ADRM1: variants seen among roughly 807,000 people sequenced by gnomAD.
ADRM1 encodes the protein proteasomal ubiquitin receptor ADRM1.
A neutral mutation model predicts 40.1 loss-of-function variants in ADRM1; 2 were observed. The ratio of observed to expected loss-of-function variants is 0.05; its 90% confidence interval spans 0.02 to 0.16. The LOEUF is 0.16. Ranked by LOEUF, ADRM1 falls within the 10% of genes least tolerant of loss-of-function variation. The pLI, the probability that ADRM1 is intolerant of heterozygous loss-of-function variation, is 1.00. For synonymous variants in ADRM1, 287 were observed against 240.4 expected, an observed-to-expected ratio of 1.19 and a Z score of -1.79; for missense variants, 467 against 552.5, an observed-to-expected ratio of 0.85 and a Z score of 1.55.
At chr20:62,303,275 C>A (rs1380318910) in intron 1 of ADRM1, 2 of 256,958 alleles carry the variant, frequency 7.8e-6, no homozygotes, top group Non-Finnish European at 1.5e-5. Flanking sequence ...CGGGTCTGCC[C>A]CGCGGAGCGG....
In ADRM1 at chr20:62,307,256, C is replaced by T. The variant is rs566795229; in HGVS notation, c.542-115C>T. On this transcript the variant is annotated intron_variant, in intron 5 of 9. Transcript: ENST00000253003. ...CCAGGCCTGTGGGTCCCCACCGCCC[C>T]GCTTCTTCCTGGCTTTGGTGTTGGG... is the stretch of plus-strand genomic sequence containing the variant. 207 of 1,067,666 alleles carry T rather than the reference C, an allele frequency of 1.9e-4. No individual in the cohort carries two copies. In the African/African-American group the frequency reaches 2.7e-3, roughly 14 times the overall value. The allele number at this position is 1,067,666 out of a possible 1,614,324, so 66.1% of individuals were successfully genotyped here.
Position 62,308,414 on chromosome 20 carries a change from C to T in ADRM1, c.1061C>T (p.Pro354Leu). ...GCCTTGGCCTCGGGGCAGCTGGGCC[C>T]CCTCATGTGCCAGTTCGGTCTGCCT... ...SAALASGQLGPLMCQFGLPAE... is the reference protein window; with the variant it reads ...SAALASGQLGLLMCQFGLPAE... Residue 354 changes from proline (P) to leucine (L), a missense_variant, in exon 9 of 10, where the codon CCC becomes CTC. By Grantham distance (98) the Pro-to-Leu change is moderately conservative. Transcript: ENST00000253003. 6.2e-7 allele frequency: 1 copy of T among 1,609,792 alleles called. No individual in the cohort carries two copies. Among genetic ancestry groups the T allele is most frequent in the Non-Finnish European group, 8.5e-7 (1 of 1,179,266 alleles).
At chr20:62,303,846 G>C in intron 2 of ADRM1, 65 bp downstream of exon 2, 3 of 1,537,316 alleles carry the variant, frequency 2.0e-6, no homozygotes, top group Non-Finnish European at 2.7e-6. Flanking sequence ...TCCTCGCTTT[G>C]GAGTTCGCGG....
In ADRM1 at chr20:62,308,685, A is replaced by G. The variant is rs1349872922; in HGVS notation, c.1148A>G (p.Asn383Ser). The stretch of plus-strand genomic sequence containing the variant: ...GAAGCGTTTGCCAAAGCCATGCAGA[A>G]CAACGCCAAGCCCGAGCAGAAAGAG... ...DVEAFAKAMQNNAKPEQKEGD... is the reference protein window; with the variant it reads ...DVEAFAKAMQSNAKPEQKEGD... The change falls in exon 10 of 10, where the codon AAC becomes AGC. Residue 383 changes from asparagine (N) to serine (S), a missense_variant. Around this residue, in one of 3 missense-constraint regions of ADRM1, gnomAD observed 418 missense variants for 474.6 expected, o/e 0.88. Transcript: ENST00000253003. 1 of 1,613,024 alleles carries G rather than the reference A, an allele frequency of 6.2e-7. No homozygotes were observed. Among genetic ancestry groups the G allele is most frequent in the South Asian group, 1.1e-5 (1 of 91,080 alleles).
At position 62,307,388 on chromosome 20, in the gene ADRM1, A is replaced by C. The variant is rs766049673; in HGVS notation, c.559A>C (p.Thr187Pro). 5 of 1,601,676 alleles carry C rather than the reference A, an allele frequency of 3.1e-6. No homozygotes were observed. Among genetic ancestry groups the C allele is most frequent in the Non-Finnish European group, 3.4e-6 (4 of 1,176,710 alleles). ...CCTCGCAGGTGGGCTGGGGGCCCTG[A>C]CTGGACCTGGCCTGGCCAGCTTACT... ...LGGLGGLGALTGPGLASLLGS... is the reference protein window; with the variant it reads ...LGGLGGLGALPGPGLASLLGS... The change falls in exon 6 of 10, where the codon ACT (threonine) becomes CCT (proline). Residue 187 changes from threonine (T) to proline (P), a missense_variant. Physicochemically the swap from Thr to Pro is conservative, Grantham distance 38. This residue lies in a region of ADRM1 where 418 missense variants were observed against 474.6 expected (regional missense o/e 0.88). Transcript: ENST00000253003.
intron 2 of ADRM1, 135 bp downstream of exon 2, chr20:62,303,916 G>A (rs1984499727): frequency 1.2e-6 from 1 of 808,264 alleles, no homozygotes; most frequent in Non-Finnish European, 1.9e-6. Context: ...CCCTGCTGAT[G>A]GGTCGTCCTG....
At chr20:62,307,565 T>C (rs2146007695) in intron 6 of ADRM1, 31 bp from the exon 7 acceptor site, 1 of 1,604,048 alleles carries the variant, frequency 6.2e-7, no homozygotes, top group Non-Finnish European at 8.5e-7. Flanking sequence ...GTGGGGCGTG[T>C]CCGCTCCAGC....
intron 9 of ADRM1, 45 bp from the exon 10 acceptor site, chr20:62,308,610 C>T: frequency 6.2e-7 from 1 of 1,607,166 alleles, no homozygotes; most frequent in Non-Finnish European, 8.5e-7. Flanking sequence ...ATCCCCAGTT[C>T]TGGGCAAGGG....
At position 62,303,504 on chromosome 20, in the gene ADRM1, G is replaced by C. The variant is rs1601226070; in HGVS notation, c.-1-64G>C. 15 of 1,499,116 alleles carry C rather than the reference G, an allele frequency of 1.0e-5. No homozygotes were observed. The East Asian group carries it at 3.0e-4, about 29-fold the overall frequency. The allele number at this position is 1,499,116 out of a possible 1,614,324, so 92.9% of individuals were successfully genotyped here. A position where few individuals can be genotyped will look rare whatever the true frequency, so the allele number is the denominator to read the frequency against. On this transcript the variant is annotated intron_variant, in intron 1 of 9. Coordinates refer to ENST00000253003, the MANE Select transcript of ADRM1 (RefSeq NM_007002.4). ...CCTGCTCGCAAACACCCCAGGGGGC[G>C]GGAGCTTGCCGGACCGCAGGCGACA...
chr20:62,304,000 T>G (rs1346429774), intron 2 of ADRM1, among the ~76,000 whole-genome samples: 2 of 151,910 alleles, frequency 1.3e-5, no homozygotes, highest in Non-Finnish European at 2.9e-5. Context: ...GGGTTGGAGG[T>G]GTGGCCCTGG....
intron 2 of ADRM1, among the ~76,000 whole-genome samples, chr20:62,304,005 C>T (rs990143866): frequency 6.6e-6 from 1 of 151,836 alleles, no homozygotes; most frequent in Non-Finnish European, 1.5e-5. Flanking sequence ...GGAGGTGTGG[C>T]CCTGGAGAGC....
chr20:62,307,095 G>C (rs1186863112), intron 5 of ADRM1, among the ~76,000 whole-genome samples: 2 of 152,222 alleles, frequency 1.3e-5, no homozygotes, highest in Non-Finnish European at 2.9e-5. Flanking sequence ...TGGCCCTTCA[G>C]AAATGCTTGT....
At chr20:62,304,156 C>A (rs1430034294) in intron 2 of ADRM1, 2 of 478,626 alleles carry the variant, frequency 4.2e-6, no homozygotes, top group Non-Finnish European at 7.6e-6. Flanking sequence ...TTCTTTGTTA[C>A]ATTTGAGAGC....
chr20:62,304,212 C>T (rs990173100), intron 2 of ADRM1: 4 of 533,120 alleles, frequency 7.5e-6, no homozygotes, highest in Non-Finnish European at 3.4e-6. Context: ...TTGTTTCCAG[C>T]ACGTCTCAGA....
chr20:62,307,721 A>C lies in ADRM1; in HGVS notation c.749A>C (p.Asn250Thr). 1 of 1,612,126 alleles carries C rather than the reference A, an allele frequency of 6.2e-7. No individual in the cohort carries two copies. The highest frequency in any genetic ancestry group is 8.5e-7 in the Non-Finnish European group (1 of 1,179,806). ...CCGAGCCCCGCGCCCAGTTCCGGGAATGGAGCCAGCACAGCAGCCAGCCCG... is the reference window on the plus strand; with the variant it reads ...CCGAGCCCCGCGCCCAGTTCCGGGACTGGAGCCAGCACAGCAGCCAGCCCG... Reference protein sequence around the residue: ...TSPSPAPSSGNGASTAASPTQ... With the variant: ...TSPSPAPSSGTGASTAASPTQ... Residue 250 changes from asparagine to threonine, a missense_variant, in exon 7 of 10, where the codon AAT (asparagine) becomes ACT (threonine). Transcript: ENST00000253003.
intron 3 of ADRM1, among the ~76,000 whole-genome samples, chr20:62,304,912 C>T (rs1293656445): frequency 3.9e-5 from 6 of 152,218 alleles, no homozygotes; most frequent in Admixed American, 6.5e-5. Flanking sequence ...GAGGCAGAGG[C>T]CCCTGTGTGG....
intron 1 of ADRM1, chr20:62,303,338 T>A (rs1984385573): frequency 2.3e-6 from 1 of 434,204 alleles, no homozygotes; most frequent in Admixed American, 4.2e-5. Flanking sequence ...GCGTCAAGCC[T>A]AGGGCCGGCC....
At chr20:62,308,546 T>C in intron 9 of ADRM1, 76 bp downstream of exon 9, 2 of 1,559,020 alleles carry the variant, frequency 1.3e-6, no homozygotes, top group South Asian at 2.3e-5. Flanking sequence ...TCTGCAGAAG[T>C]GGGGCTGAGG....
At position 62,303,798 on chromosome 20, in the gene ADRM1, C is replaced by CGCA; in HGVS notation, c.213+25_213+27dup. The stretch of plus-strand genomic sequence containing the variant: ...GTGGAAGACGTGAGTGTCCCTGAGC[C>CGCA]GCAGCAGCAGGACAGGCGACTTCTC... On this transcript the variant is annotated intron_variant, in intron 2 of 9. Coordinates refer to ENST00000253003, the MANE Select transcript of ADRM1 (RefSeq NM_007002.4). 1.9e-6 allele frequency: 3 copies of CGCA among 1,606,236 alleles called. No individual in the cohort carries two copies. Among genetic ancestry groups the CGCA allele is most frequent in the Middle Eastern group, 1.7e-4 (1 of 6,046 alleles).
Sources: allele counts gnomAD v4.1 joint callset (sites outside exome capture counted in the v4.1 genomes callset), GRCh38; gene constraint gnomAD v4.1.1; regional missense constraint gnomAD v4.1.1; transcripts MANE v1.5; gene names NCBI Gene and HGNC (gene_info 2026-07-23, HGNC 2026-07-21).